The following ZNF738 variants were observed in gnomAD, a reference collection of about 807,000 sequenced individuals.
The protein encoded by ZNF738 is protein ZNF738.
ZNF738 carries 10 observed loss-of-function variants against 9.2 expected under a neutral mutation model. That is an observed-to-expected ratio of 1.09 (90% CI 0.67 to 1.85). The LOEUF (loss-of-function observed/expected upper bound fraction) is 1.85. Among genes scored for constraint, ZNF738 ranks in the 40% most tolerant of loss-of-function variants. The pLI, the probability that ZNF738 is intolerant of heterozygous loss-of-function variation, is 0.00. For missense variants in ZNF738, 346 were observed against 283.6 expected (o/e 1.22, Z -1.58); for synonymous variants, 113 against 94.5 (o/e 1.20, Z -1.14).
At chr19:21,359,247 A>G in intron 1 of ZNF738, 104 bp downstream of exon 1, 2 of 846,742 alleles carry the variant, frequency 2.4e-6, no homozygotes, top group South Asian at 2.7e-5. Flanking sequence ...CAGCTCTACA[A>G]TCTGCGCCCC....
intron 4 of ZNF738, chr19:21,378,545 GA>G: frequency 3.6e-6 from 1 of 275,616 alleles, no homozygotes; most frequent in South Asian, 3.1e-5. Context: ...CTTCTGTCCT[GA>G]AAAATTTTTG....
chr19:21,363,636 C>A (rs1973730847), intron 2 of ZNF738, among the ~76,000 whole-genome samples: 1 of 152,144 alleles, frequency 6.6e-6, no homozygotes, highest in African/African-American at 2.4e-5. Flanking sequence ...TGCCTGTAAT[C>A]CCTGCACTTT....
chr19:21,377,631 T>A, intron 4 of ZNF738: 1 of 465,658 alleles, frequency 2.1e-6, no homozygotes, highest in East Asian at 3.3e-5. Flanking sequence ...ATGTAAGATA[T>A]GACAGTTTTT....
intron 4 of ZNF738, chr19:21,381,207 G>C (rs1032422337): frequency 2.2e-5 from 32 of 1,469,360 alleles, no homozygotes; most frequent in Non-Finnish European, 2.7e-5. Context: ...ACAGCCAGAA[G>C]AGTCCTGAGA....
chr19:21,359,181 G>A (rs766560718), intron 1 of ZNF738, 38 bp downstream of exon 1: 12 of 1,043,418 alleles, frequency 1.2e-5, no homozygotes, highest in African/African-American at 1.6e-5. Context: ...GAGAGGGGAA[G>A]GGCTGGTTGG....
chr19:21,380,348 T>C (rs1599719696), intron 4 of ZNF738, among the ~76,000 whole-genome samples: 1 of 152,250 alleles, frequency 6.6e-6, no homozygotes, highest in Non-Finnish European at 1.5e-5. Context: ...ACCATTTGCC[T>C]TCACTGACTG....
rs1974038181 is a variant in ZNF738, at chr19:21,384,049, A to T, written c.*375A>T. ...TACCGATTCATTTACCTTACTACAC[A>T]TAAGAGAATTCACACTGGAGAGAAA... is the stretch of plus-strand genomic sequence containing the variant. On this transcript the variant is annotated 3_prime_UTR_variant, in exon 5 of 5. Transcript: ENST00000683779. 9 of 1,561,086 alleles carry T rather than the reference A, an allele frequency of 5.8e-6. No homozygotes were observed. In the African/African-American group the frequency reaches 9.5e-5, roughly 16 times the overall value.
intron 4 of ZNF738, among the ~76,000 whole-genome samples, chr19:21,377,116 T>C (rs551923708): frequency 3.6e-4 from 55 of 152,080 alleles, no homozygotes; most frequent in Non-Finnish European, 6.8e-4. Flanking sequence ...GAGACCAGCC[T>C]GACCAACATG....
At chr19:21,372,936 C>T (rs1379824467) in intron 2 of ZNF738, 2 of 152,142 alleles carry the variant, frequency 1.3e-5, no homozygotes, top group African/African-American at 4.8e-5. Flanking sequence ...TGAAACTTTA[C>T]ATTTTTTGTC....
chr19:21,369,018 A>G (rs1397746592), intron 2 of ZNF738, among the ~76,000 whole-genome samples: 1 of 152,132 alleles, frequency 6.6e-6, no homozygotes, highest in Non-Finnish European at 1.5e-5. Flanking sequence ...GATTATAGGC[A>G]TGAGCCACAG....
chr19:21,377,238 C>T (rs1002799745), intron 4 of ZNF738: 8 of 433,354 alleles, frequency 1.8e-5, no homozygotes, highest in East Asian at 3.9e-5. Flanking sequence ...ACCCAGGAGG[C>T]GGAGGTTGTG....
intron 1 of ZNF738, 131 bp from the exon 2 acceptor site, chr19:21,361,635 C>T: frequency 1.5e-6 from 1 of 681,368 alleles, no homozygotes; most frequent in East Asian, 2.8e-5. Context: ...GTGATGTGTC[C>T]TCAGCCACCG....
chr19:21,366,828 A>T (rs1973787673), intron 2 of ZNF738, among the ~76,000 whole-genome samples: 1 of 152,158 alleles, frequency 6.6e-6, no homozygotes, highest in Non-Finnish European at 1.5e-5. Flanking sequence ...GAATGACCAG[A>T]GGTCACTCTC....
chr19:21,373,929 T>G (rs1973892222), intron 2 of ZNF738, among the ~76,000 whole-genome samples: 1 of 152,194 alleles, frequency 6.6e-6, no homozygotes, highest in South Asian at 2.1e-4. Context: ...AAAATTCTTG[T>G]GGTAGTCAAG....
chr19:21,375,797 A>G, intron 3 of ZNF738, 72 bp from the exon 4 acceptor site: 1 of 674,940 alleles, frequency 1.5e-6, no homozygotes, highest in East Asian at 2.7e-5. Flanking sequence ...CCTCCTCTTT[A>G]CTAAGCACAG....
chr19:21,383,128 TAAGAC>T lies in ZNF738; in HGVS notation c.589_593del (p.Arg197TyrfsTer9), dbSNP rs1003756219. 120 of 1,497,332 alleles carry T rather than the reference TAAGAC, an allele frequency of 8.0e-5. 1 individual carries two copies. The Middle Eastern group carries it at 8.7e-3, about 108-fold the overall frequency. The allele number at this position is 1,497,332 out of a possible 1,614,324, so 92.8% of individuals were successfully genotyped here. On this transcript the variant is annotated frameshift_variant, in exon 5 of 5. Transcript: ENST00000683779. LOFTEE classifies it low-confidence loss of function (END_TRUNC). The stretch of plus-strand genomic sequence containing the variant: ...ATAAATTTTTAAATTCAAATACACA[TAAGAC>T]AAGACATACTGGAAAGAAACCTTTC...
intron 2 of ZNF738, among the ~76,000 whole-genome samples, chr19:21,364,070 A>G (rs1479409784): frequency 1.3e-5 from 2 of 149,864 alleles, no homozygotes; most frequent in Non-Finnish European, 3.0e-5. Context: ...AGAGATGTGC[A>G]CCTGTAGCCC....
rs771601978 is a variant in ZNF738, at chr19:21,375,926, G to A, written c.281G>A (p.Trp94Ter). Residue 94 changes from tryptophan (W) to a stop codon, truncating the protein, a stop_gained, in exon 4 of 5, where the codon TGG (tryptophan) becomes TAG (stop). Transcript: ENST00000683779. LOFTEE classifies it low-confidence loss of function (END_TRUNC). ...ITCLEQGKDP[W>*]NMKRHSMVAT... Reference sequence around the variant, plus strand: ...TGTCTGGAGCAAGGAAAAGATCCCTGGAATATGAAGAGACACAGTATGGTA... The same window carrying A: ...TGTCTGGAGCAAGGAAAAGATCCCTAGAATATGAAGAGACACAGTATGGTA... The A allele has an allele frequency of 5.0e-6, 4 of 796,700 alleles. No individual in the cohort carries two copies. In the African/African-American group the frequency reaches 6.8e-5, roughly 13 times the overall value. 49.4% of individuals were successfully genotyped at this position (796,700 alleles called of 1,614,324 possible).
At chr19:21,381,497 TTTTC>T in intron 4 of ZNF738, 1 of 1,018,008 alleles carries the variant, frequency 9.8e-7, no homozygotes, top group South Asian at 1.4e-5. Flanking sequence ...ACCTTTTTCT[TTTTC>T]TTTTTTTTTC....
Sources: allele counts gnomAD v4.1 joint callset (sites outside exome capture counted in the v4.1 genomes callset), GRCh38; gene constraint gnomAD v4.1.1; transcripts MANE v1.5; gene names NCBI Gene and HGNC (gene_info 2026-07-23, HGNC 2026-07-21).